Variants in GRIN2B observed in about 807,000 individuals in gnomAD.
The protein encoded by GRIN2B is glutamate ionotropic receptor NMDA type subunit 2B.
A neutral mutation model predicts 114.5 loss-of-function variants in GRIN2B; 5 were observed. The observed-to-expected ratio is 0.04, with a 90% CI of 0.02 to 0.09. The LOEUF (loss-of-function observed/expected upper bound fraction) is 0.09. Ranked by LOEUF, GRIN2B falls within the 10% of genes least tolerant of loss-of-function variation. GRIN2B has a pLI of 1.00. For synonymous variants in GRIN2B, 787 were observed against 745.1 expected, an observed-to-expected ratio of 1.06 and a Z score of -0.92; for missense variants, 1,108 against 1,943.5, an observed-to-expected ratio of 0.57 and a Z score of 8.08.
chr12:13,833,179 C>G (rs998952120), intron 3 of GRIN2B, among the ~76,000 whole-genome samples: 7 of 152,186 alleles, frequency 4.6e-5, no homozygotes, highest in Non-Finnish European at 7.3e-5. Context: ...TGAAAGTAGA[C>G]AGAGGATGTA....
chr12:13,559,272 C>T lies in GRIN2B; in HGVS notation c.*3511G>A, dbSNP rs553843989. ...TTGAAGAAAAGCAACCAACTGGGGC[C>T]AAATAAGTTTAGAAAAATAAAATTG... On this transcript the variant is annotated 3_prime_UTR_variant, in exon 14 of 14. Transcript: ENST00000609686. 6.6e-6 allele frequency: 1 copy of T among 152,200 alleles called. No individual in the cohort carries two copies. The highest frequency in any genetic ancestry group is 2.4e-5 in the African/African-American group (1 of 41,516). The allele number at this position is 152,200 out of a possible 1,614,324, so 9.4% of individuals were successfully genotyped here.
At chr12:13,834,453 G>C (rs546420530) in intron 3 of GRIN2B, among the ~76,000 whole-genome samples, 1 of 152,034 alleles carries the variant, frequency 6.6e-6, no homozygotes, top group East Asian at 1.9e-4. Context: ...TACAATGCAG[G>C]GTGTCATCTT....
chr12:13,590,029 T>C (rs373025136), intron 10 of GRIN2B, among the ~76,000 whole-genome samples: 14 of 152,250 alleles, frequency 9.2e-5, no homozygotes, highest in African/African-American at 3.4e-4. Context: ...AATTAAAAAC[T>C]TAGAAATGTT....
intron 3 of GRIN2B, among the ~76,000 whole-genome samples, chr12:13,858,878 G>C (rs1865707038): frequency 6.6e-6 from 1 of 152,180 alleles, no homozygotes; most frequent in Admixed American, 6.5e-5. Context: ...CACCAAAGAG[G>C]TGGAACCTAC....
chr12:13,699,883 AG>A (rs1215434065), intron 4 of GRIN2B, among the ~76,000 whole-genome samples: 2 of 41,726 alleles, frequency 4.8e-5, no homozygotes, highest in Admixed American at 8.9e-4. Flanking sequence ...CACCGCACCC[AG>A]CCTTTTTTTT....
At chr12:13,736,615 G>T (rs185392701) in intron 4 of GRIN2B, among the ~76,000 whole-genome samples, 268 of 152,148 alleles carry the variant, frequency 1.8e-3, no homozygotes, top group Non-Finnish European at 3.0e-3. Context: ...AAAAAAGCCA[G>T]CTAAACACAT....
In GRIN2B at chr12:13,749,804, C is replaced by A. The variant is rs532034416; in HGVS notation, c.1010+3513G>T. ...GCAGACTTGGGGCTAACTCTATAAACCCTGTTAGTCAACCCCAATCCTTTC... is the reference window on the plus strand; with the variant it reads ...GCAGACTTGGGGCTAACTCTATAAAACCTGTTAGTCAACCCCAATCCTTTC... On this transcript the variant is annotated intron_variant, in intron 4 of 13. Coordinates refer to ENST00000609686, the MANE Select transcript of GRIN2B (RefSeq NM_000834.5). Among the ~76,000 whole-genome samples, 27 of 152,258 alleles carry A rather than the reference C, an allele frequency of 1.8e-4. No homozygotes were observed. The South Asian group carries it at 5.4e-3, about 30-fold the overall frequency.
chr12:13,851,627 G>C (rs1048041324), intron 3 of GRIN2B, among the ~76,000 whole-genome samples: 1 of 152,146 alleles, frequency 6.6e-6, no homozygotes, highest in African/African-American at 2.4e-5. Context: ...CTCCCCTGTT[G>C]ATTTCAAAGT....
intron 4 of GRIN2B, among the ~76,000 whole-genome samples, chr12:13,747,470 G>A (rs1473537116): frequency 2.0e-5 from 3 of 152,174 alleles, no homozygotes; most frequent in South Asian, 2.1e-4. Context: ...TAGGTTCTTC[G>A]ATTATTTTTC....
At position 13,539,204 on chromosome 12, in the gene GRIN2B, C is replaced by T. The variant is rs1948247818; in HGVS notation, c.*23579G>A. ...AACAATACATTATCCTGGGAGATTC[C>T]TGGAACTAGGGATTAGCCCTGCTGG... On this transcript the variant is annotated 3_prime_UTR_variant, in exon 14 of 14. Transcript: ENST00000609686. 1.3e-5 allele frequency: 2 copies of T among 152,188 alleles called. No individual in the cohort carries two copies. Among genetic ancestry groups the T allele is most frequent in the Admixed American group, 1.3e-4 (2 of 15,276 alleles). 9.4% of individuals were successfully genotyped at this position (152,188 alleles called of 1,614,324 possible).
At chr12:13,821,119 C>A (rs1204631135) in intron 3 of GRIN2B, among the ~76,000 whole-genome samples, 1 of 152,054 alleles carries the variant, frequency 6.6e-6, no homozygotes, top group Non-Finnish European at 1.5e-5. Flanking sequence ...CATGCTGTTC[C>A]ATTTTTCTTG....
intron 3 of GRIN2B, among the ~76,000 whole-genome samples, chr12:13,849,300 C>T (rs1014937856): frequency 6.6e-6 from 1 of 151,940 alleles, no homozygotes; most frequent in Non-Finnish European, 1.5e-5. Context: ...GCAAAGCTTC[C>T]GTGGCTTATA....
At chr12:13,708,702 T>C (rs2136577588) in intron 4 of GRIN2B, among the ~76,000 whole-genome samples, 1 of 152,202 alleles carries the variant, frequency 6.6e-6, no homozygotes, top group Non-Finnish European at 1.5e-5. Flanking sequence ...AGAAAAAAAC[T>C]GGTACATACA....
intron 5 of GRIN2B, among the ~76,000 whole-genome samples, chr12:13,637,383 A>G (rs1186748925): frequency 6.6e-6 from 1 of 152,172 alleles, no homozygotes; most frequent in East Asian, 1.9e-4. Flanking sequence ...CATAACACTC[A>G]TGGCCCATGT....
chr12:13,787,200 G>C (rs1209553511), intron 3 of GRIN2B, among the ~76,000 whole-genome samples: 1 of 152,162 alleles, frequency 6.6e-6, no homozygotes, highest in Non-Finnish European at 1.5e-5. Context: ...TTGAAAAGCT[G>C]TCTTAAGTCT....
intron 4 of GRIN2B, among the ~76,000 whole-genome samples, chr12:13,677,513 AG>A (rs1368398309): frequency 1.3e-5 from 2 of 152,334 alleles, no homozygotes; most frequent in African/African-American, 4.8e-5. Context: ...TCAAGAACAC[AG>A]AAGATCCCAA....
At chr12:13,639,922 T>G (rs974801137) in intron 5 of GRIN2B, among the ~76,000 whole-genome samples, 3 of 152,176 alleles carry the variant, frequency 2.0e-5, no homozygotes, top group Admixed American at 6.6e-5. Context: ...TCACCTTCTC[T>G]TCTTCTTTTT....
rs564176279 is a variant in GRIN2B at position 13,707,369 on chromosome 12, C to G, written c.1011-31510G>C. The stretch of plus-strand genomic sequence containing the variant: ...ATGGCCTGTGACTCAGGAGAAGAAG[C>G]CTCTGATTCCCTTTCAGTGATATTA... On this transcript the variant is annotated intron_variant, in intron 4 of 13. Coordinates refer to ENST00000609686, the MANE Select transcript of GRIN2B (RefSeq NM_000834.5). Among the ~76,000 whole-genome samples the G allele has an allele frequency of 2.1e-4, 32 of 152,232 alleles. 1 individual carries two copies. In the South Asian group the frequency reaches 2.9e-3, roughly 14 times the overall value.
chr12:13,780,923 T>G (rs1481469396), intron 3 of GRIN2B, among the ~76,000 whole-genome samples: 1 of 151,360 alleles, frequency 6.6e-6, no homozygotes, highest in African/African-American at 2.4e-5. Context: ...AAAAATGGAA[T>G]AAATTTTATA....
Sources: gnomAD v4.1 joint callset for allele counts (sites outside exome capture counted in the v4.1 genomes callset) on GRCh38, gnomAD v4.1.1 for gene constraint, MANE v1.5 for transcripts, NCBI Gene and HGNC (gene_info 2026-07-23, HGNC 2026-07-21) for gene names.